The following NRXN3 variants were observed in gnomAD, a reference collection of about 807,000 sequenced individuals.
NRXN3 encodes neurexin III.
A neutral mutation model predicts 137.6 loss-of-function variants in NRXN3; 32 were observed. The observed-to-expected ratio is 0.23, with a 90% confidence interval of 0.18 to 0.31. NRXN3 has a LOEUF of 0.31. NRXN3 is among the 10% of genes least tolerant of loss of function. NRXN3 has a pLI of 1.00. For missense variants in NRXN3, 1,574 were observed against 2,062.5 expected, an observed-to-expected ratio of 0.76 and a Z score of 4.59; for synonymous variants, 798 against 784.5, an observed-to-expected ratio of 1.02 and a Z score of -0.29.
intron 16 of NRXN3, among the ~76,000 whole-genome samples, chr14:79,498,992 T>C (rs1080129): frequency 0.54 from 81,715 of 152,066 alleles, 24,816 homozygotes; most frequent in African/African-American, 0.85. Context: ...ACTATGTTGC[T>C]CAGGGTGGTC....
intron 10 of NRXN3, among the ~76,000 whole-genome samples, chr14:78,885,661 T>C (rs1052227268): frequency 6.6e-6 from 1 of 152,066 alleles, no homozygotes; most frequent in African/African-American, 2.4e-5. Flanking sequence ...CTTTGTAAAA[T>C]TGTAATCCAA....
intron 3 of NRXN3, chr14:78,279,617 G>A (rs1387941991): frequency 6.6e-6 from 1 of 152,048 alleles, no homozygotes; most frequent in Admixed American, 6.6e-5. Flanking sequence ...GGCCTGTTAG[G>A]TTAAGCAGTT....
At chr14:78,657,698 C>G (rs1029668338) in intron 6 of NRXN3, among the ~76,000 whole-genome samples, 1 of 152,202 alleles carries the variant, frequency 6.6e-6, no homozygotes, top group African/African-American at 2.4e-5. Flanking sequence ...AATAACTTTA[C>G]ATTTTATAGA....
intron 15 of NRXN3, among the ~76,000 whole-genome samples, chr14:79,296,601 G>A (rs577186158): frequency 4.5e-4 from 68 of 152,096 alleles, no homozygotes; most frequent in African/African-American, 1.5e-3. Flanking sequence ...GACATCTTTG[G>A]CATTTACAGT....
intron 15 of NRXN3, among the ~76,000 whole-genome samples, chr14:79,456,523 T>C (rs2096259225): frequency 6.6e-6 from 1 of 152,136 alleles, no homozygotes; most frequent in African/African-American, 2.4e-5. Flanking sequence ...ACCCAGGAGT[T>C]TGAGACCAGC....
chr14:79,144,651 G>A (rs567171555), intron 15 of NRXN3, among the ~76,000 whole-genome samples: 1 of 152,260 alleles, frequency 6.6e-6, no homozygotes, highest in East Asian at 1.9e-4. Flanking sequence ...TGCTTCTTGT[G>A]AAATGGTCGC....
chr14:79,519,560 G>C (rs758871591), intron 16 of NRXN3, among the ~76,000 whole-genome samples: 2 of 151,802 alleles, frequency 1.3e-5, no homozygotes, highest in Non-Finnish European at 2.9e-5. Flanking sequence ...CTCTAAGCAT[G>C]GCTTTTCCTG....
At chr14:78,838,037 T>C (rs2152431635) in intron 10 of NRXN3, among the ~76,000 whole-genome samples, 1 of 152,294 alleles carries the variant, frequency 6.6e-6, no homozygotes, top group African/African-American at 2.4e-5. Context: ...AGATTTTTGT[T>C]ATTAGATTAT....
At chr14:78,450,131 C>T (rs1290746826) in intron 4 of NRXN3, among the ~76,000 whole-genome samples, 3 of 152,210 alleles carry the variant, frequency 2.0e-5, no homozygotes, top group Non-Finnish European at 4.4e-5. Flanking sequence ...AATCTGCTAG[C>T]AATGACTGTG....
At chr14:79,393,374 T>G (rs1362294938) in intron 15 of NRXN3, among the ~76,000 whole-genome samples, 1 of 152,168 alleles carries the variant, frequency 6.6e-6, no homozygotes, top group African/African-American at 2.4e-5. Flanking sequence ...GAAAGTCACT[T>G]ATATAACTGC....
intron 19 of NRXN3, among the ~76,000 whole-genome samples, chr14:79,706,347 A>G (rs2098778934): frequency 6.6e-6 from 1 of 152,070 alleles, no homozygotes; most frequent in Non-Finnish European, 1.5e-5. Flanking sequence ...TAATTCTCCT[A>G]AAACCCACTT....
intron 14 of NRXN3, among the ~76,000 whole-genome samples, chr14:78,987,715 A>T (rs1023585077): frequency 2.6e-5 from 4 of 152,074 alleles, no homozygotes; most frequent in African/African-American, 9.7e-5. Context: ...TCCAAATGAG[A>T]TATCTTTCTA....
chr14:78,542,183 G>A (rs2096596421), intron 4 of NRXN3, among the ~76,000 whole-genome samples: 1 of 152,218 alleles, frequency 6.6e-6, no homozygotes, highest in Non-Finnish European at 1.5e-5. Flanking sequence ...ACACTGTGCT[G>A]AGAGAACCAC....
At chr14:79,487,921 T>G (rs74068697) in intron 16 of NRXN3, among the ~76,000 whole-genome samples, 5,601 of 152,244 alleles carry the variant, frequency 0.037, 348 homozygotes, top group African/African-American at 0.13. Flanking sequence ...ATCACAGAGC[T>G]CATCATGCAA....
At chr14:79,234,873 A>T (rs2073099307) in intron 15 of NRXN3, among the ~76,000 whole-genome samples, 1 of 152,110 alleles carries the variant, frequency 6.6e-6, no homozygotes, top group Admixed American at 6.6e-5. Flanking sequence ...TTTGGGAAAT[A>T]CTACACTAGG....
chr14:79,220,463 T>A (rs2069381263), intron 15 of NRXN3, among the ~76,000 whole-genome samples: 1 of 152,128 alleles, frequency 6.6e-6, no homozygotes, highest in Non-Finnish European at 1.5e-5. Context: ...TGACACGTCA[T>A]CACCCAAAGT....
intron 8 of NRXN3, among the ~76,000 whole-genome samples, chr14:78,777,262 A>G (rs902674788): frequency 6.6e-6 from 1 of 152,176 alleles, no homozygotes; most frequent in South Asian, 2.1e-4. Context: ...TCAGCATGAA[A>G]AACAACTAAT....
intron 4 of NRXN3, among the ~76,000 whole-genome samples, chr14:78,320,283 T>C (rs1465746598): frequency 6.6e-6 from 1 of 152,190 alleles, no homozygotes; most frequent in Non-Finnish European, 1.5e-5. Flanking sequence ...TAGTTACAAA[T>C]GGAAGCATTT....
intron 10 of NRXN3, among the ~76,000 whole-genome samples, chr14:78,855,961 T>C (rs1261770911): frequency 1.3e-5 from 2 of 152,210 alleles, no homozygotes; most frequent in African/African-American, 4.8e-5. Context: ...TAAGTAGCTT[T>C]CTGACCTGGT....
Sources: gnomAD v4.1 joint callset for allele counts (sites outside exome capture counted in the v4.1 genomes callset) on GRCh38, gnomAD v4.1.1 for gene constraint, MANE v1.5 for transcripts, NCBI Gene and HGNC (gene_info 2026-07-23, HGNC 2026-07-21) for gene names.